NSD1: variants seen among roughly 807,000 people sequenced by gnomAD.
The protein encoded by NSD1 is nuclear receptor binding SET domain protein 1.
In NSD1, 26 loss-of-function variants were observed where a neutral mutation model predicts 242.7. That is an observed-to-expected ratio of 0.11 (90% CI 0.08 to 0.15). The LOEUF is 0.15. Ranked by LOEUF, NSD1 falls within the 10% of genes least tolerant of loss-of-function variation. The pLI is 1.00. For missense variants in NSD1, 2,495 were observed against 3,272.8 expected (o/e 0.76, Z 5.80); for synonymous variants, 1,106 against 1,178.1 (o/e 0.94, Z 1.25).
At chr5:177,149,354 G>T (rs1052279066) in intron 2 of NSD1, among the ~76,000 whole-genome samples, 1 of 151,724 alleles carries the variant, frequency 6.6e-6, no homozygotes, top group South Asian at 2.1e-4. Context: ...GAGTAGCTGG[G>T]ATTATAGGTG....
chr5:177,166,986 TCTGC>T (rs1759258587), intron 2 of NSD1, among the ~76,000 whole-genome samples: 1 of 151,822 alleles, frequency 6.6e-6, no homozygotes, highest in Non-Finnish European at 1.5e-5. Flanking sequence ...CCTCAAGTGA[TCTGC>T]CCACCTCGGC....
intron 5 of NSD1, among the ~76,000 whole-genome samples, chr5:177,216,538 G>A (rs375847019): frequency 5.9e-5 from 9 of 151,850 alleles, no homozygotes; most frequent in East Asian, 1.9e-4. Context: ...GTTCATCTTC[G>A]TTCTTCAGCA....
intron 2 of NSD1, among the ~76,000 whole-genome samples, chr5:177,188,043 C>T (rs1761372598): frequency 6.6e-6 from 1 of 152,168 alleles, no homozygotes; most frequent in South Asian, 2.1e-4. Context: ...CTGGAAGATG[C>T]CACTTCTTTA....
intron 2 of NSD1, among the ~76,000 whole-genome samples, chr5:177,167,706 C>T (rs1759327193): frequency 6.6e-6 from 1 of 152,138 alleles, no homozygotes; most frequent in African/African-American, 2.4e-5. Flanking sequence ...CAGATGGTCT[C>T]AGATATACGA....
intron 4 of NSD1, 117 bp downstream of exon 4, chr5:177,204,409 A>G: frequency 2.1e-6 from 2 of 950,796 alleles, no homozygotes. Flanking sequence ...ATTGGAGTAC[A>G]GTGGTGCAAT....
intron 2 of NSD1, among the ~76,000 whole-genome samples, chr5:177,185,596 C>CA (rs1459717612): frequency 7.0e-6 from 1 of 143,506 alleles, no homozygotes; most frequent in African/African-American, 2.6e-5. Flanking sequence ...GAGACTGTCT[C>CA]AAAAAAACAA....
intron 16 of NSD1, among the ~76,000 whole-genome samples, chr5:177,273,312 T>TA (rs11452158): frequency 0.51 from 46,085 of 90,820 alleles, 13,482 homozygotes; most frequent in African/African-American, 0.72. Context: ...ACTGATGAGC[T>TA]AAAAAAAAAA....
intron 2 of NSD1, among the ~76,000 whole-genome samples, chr5:177,178,236 T>A (rs1159432716): frequency 6.6e-6 from 1 of 152,002 alleles, no homozygotes; most frequent in Non-Finnish European, 1.5e-5. Context: ...ATTGATTGAT[T>A]GATTTATGAG....
At chr5:177,199,833 G>C (rs1185709661) in intron 3 of NSD1, among the ~76,000 whole-genome samples, 1 of 151,506 alleles carries the variant, frequency 6.6e-6, no homozygotes, top group Admixed American at 6.6e-5. Flanking sequence ...CTGACCTCGT[G>C]ATCTGCCAAC....
intron 2 of NSD1, 41 bp downstream of exon 2, chr5:177,136,071 T>A: frequency 6.6e-7 from 1 of 1,517,832 alleles, no homozygotes; most frequent in South Asian, 1.1e-5. Context: ...TACATATATG[T>A]ATATATACAG....
chr5:177,291,726 C>G (rs1239724581), intron 21 of NSD1, among the ~76,000 whole-genome samples: 1 of 152,156 alleles, frequency 6.6e-6, no homozygotes, highest in Non-Finnish European at 1.5e-5. Flanking sequence ...TATGGATCAG[C>G]AAAAACACAA....
intron 17 of NSD1, 74 bp from the exon 18 acceptor site, chr5:177,280,491 G>A: frequency 6.3e-7 from 1 of 1,581,858 alleles, no homozygotes; most frequent in African/African-American, 1.3e-5. Context: ...AGGAAAAAAA[G>A]TTTGCCTTTT....
rs149632999 is a variant in NSD1 at position 177,295,390 on chromosome 5, G to A, written c.8022G>A (p.Glu2674=). ...GAAGAGGGCAAGACCCCAAACCAGA[G>A]CAAAATACACTTCCAGCTCTTAACC... ...SLGRGQDPKP[E]QNTLPALNQA... Residue 2674 remains glutamate (E), a synonymous_variant, in exon 23 of 23, where the codon GAG becomes GAA. Coordinates refer to ENST00000439151, the MANE Select transcript of NSD1 (RefSeq NM_022455.5). The surrounding 1 kb of genome is among the most constrained non-coding windows in gnomAD (Gnocchi z 4.3). The A allele has an allele frequency of 1.8e-5, 29 of 1,614,234 alleles. No homozygotes were observed. In the African/African-American group the frequency reaches 3.7e-4, roughly 21 times the overall value.
intron 2 of NSD1, among the ~76,000 whole-genome samples, chr5:177,159,260 C>G (rs896991553): frequency 1.1e-4 from 16 of 150,802 alleles, no homozygotes; most frequent in Admixed American, 8.6e-4. Context: ...TTCTTTTTCC[C>G]TTTTTCTTTC....
In NSD1 at chr5:177,209,856, C is replaced by G. The variant is rs575992870; in HGVS notation, c.1457C>G (p.Ser486Cys). 1.9e-6 allele frequency: 3 copies of G among 1,614,112 alleles called. No individual in the cohort carries two copies. The highest frequency in any genetic ancestry group is 1.3e-5 in the African/African-American group (1 of 75,026). The change falls in exon 5 of 23, where the codon TCT (serine) becomes TGT (cysteine). Residue 486 changes from serine (S) to cysteine (C), a missense_variant. Transcript: ENST00000439151. The stretch of plus-strand genomic sequence containing the variant: ...TCACTGGCTTTTGATTCTGAACATT[C>G]TGCAGATGAGAAGGAAAAGCCTTGC... ...LKSLAFDSEHSADEKEKPCAK... is the reference protein window; with the variant it reads ...LKSLAFDSEHCADEKEKPCAK...
chr5:177,192,942 A>G (rs1271317881), intron 3 of NSD1, among the ~76,000 whole-genome samples: 1 of 152,216 alleles, frequency 6.6e-6, no homozygotes, highest in Admixed American at 6.5e-5. Context: ...TTCTACTTTA[A>G]TCAGGTTTGT....
chr5:177,207,916 G>A (rs975766860), intron 4 of NSD1, among the ~76,000 whole-genome samples: 12 of 151,116 alleles, frequency 7.9e-5, no homozygotes. Context: ...GTGTGTGTGT[G>A]TGTGTGCGTG....
intron 17 of NSD1, among the ~76,000 whole-genome samples, chr5:177,278,261 C>T (rs1343261310): frequency 6.6e-6 from 1 of 152,160 alleles, no homozygotes; most frequent in Non-Finnish European, 1.5e-5. Flanking sequence ...GCACTTGCCA[C>T]CATGCCCGGC....
intron 5 of NSD1, among the ~76,000 whole-genome samples, chr5:177,216,204 T>C (rs1763759351): frequency 6.6e-6 from 1 of 152,218 alleles, no homozygotes; most frequent in Non-Finnish European, 1.5e-5. Context: ...AAAAATGAGG[T>C]ATAAGAGTTA....
Sources: allele counts gnomAD v4.1 joint callset (sites outside exome capture counted in the v4.1 genomes callset), GRCh38; gene constraint gnomAD v4.1.1; non-coding constraint Gnocchi (gnomAD v3.1); transcripts MANE v1.5; gene names NCBI Gene and HGNC (gene_info 2026-07-23, HGNC 2026-07-21).